Variants in RBFOX1 observed in about 807,000 individuals in gnomAD.
RBFOX1 encodes the protein RNA binding fox-1 homolog 1.
In RBFOX1, 8 loss-of-function variants were observed where a neutral mutation model predicts 57.7. The observed-to-expected ratio is 0.14, with a 90% CI of 0.08 to 0.25. The LOEUF (loss-of-function observed/expected upper bound fraction) is 0.25, where lower values mean the gene tolerates loss of function less well. RBFOX1 is among the 10% of genes least tolerant of loss of function. RBFOX1 has a pLI of 1.00. For synonymous variants in RBFOX1, 326 were observed against 222.4 expected (o/e 1.47, Z -4.15); for missense variants, 611 against 548.5 (o/e 1.11, Z -1.14).
intron 1 of RBFOX1, among the ~76,000 whole-genome samples, chr16:5,404,968 T>C (rs2066822066): frequency 6.6e-6 from 1 of 152,242 alleles, no homozygotes; most frequent in African/African-American, 2.4e-5. Context: ...GAAGTACTTC[T>C]CTAGAGCTTT....
intron 2 of RBFOX1, among the ~76,000 whole-genome samples, chr16:5,542,162 C>G (rs1049969799): frequency 6.6e-6 from 1 of 151,838 alleles, no homozygotes; most frequent in African/African-American, 2.4e-5. Flanking sequence ...GTAATCGACT[C>G]TGTATAGCTT....
At chr16:7,089,706 G>A (rs759616858) in intron 4 of RBFOX1, among the ~76,000 whole-genome samples, 19 of 152,172 alleles carry the variant, frequency 1.2e-4, no homozygotes, top group Middle Eastern at 3.4e-3. Context: ...TTCCACATCC[G>A]AAAAACTTGC....
At chr16:5,842,985 A>G (rs2056663195) in intron 3 of RBFOX1, among the ~76,000 whole-genome samples, 1 of 151,836 alleles carries the variant, frequency 6.6e-6, no homozygotes, top group African/African-American at 2.4e-5. Flanking sequence ...TGTCTGGCTA[A>G]TTGTTTTTTT....
chr16:7,710,193 A>G, intron 15 of RBFOX1: 1 of 1,028,892 alleles, frequency 9.7e-7, no homozygotes, highest in Non-Finnish European at 1.2e-6. Context: ...AGTAAGAAGT[A>G]GGTTGAGATT....
At chr16:6,203,103 A>G (rs1263740918) in intron 1 of RBFOX1, among the ~76,000 whole-genome samples, 1 of 151,848 alleles carries the variant, frequency 6.6e-6, no homozygotes, top group African/African-American at 2.4e-5. Context: ...TTGTGGTAAG[A>G]GCACTTGAAA....
In RBFOX1 at chr16:7,663,912, TTTTACTCAAAGCATAC is replaced by T. The variant is rs2068477074; in HGVS notation, c.891-1016_891-1001del. On this transcript the variant is annotated intron_variant, in intron 12 of 15. Coordinates refer to ENST00000550418, the MANE Select transcript of RBFOX1 (RefSeq NM_018723.4). ...AGCTAAGAGCTTCTTTTCCTGGTTGTTTTACTCAAAGCATACCAAAAAGCTTCTGGGGAATCATTCC... is the reference window on the plus strand; with the variant it reads ...AGCTAAGAGCTTCTTTTCCTGGTTGTCAAAAAGCTTCTGGGGAATCATTCC... 2.6e-5 allele frequency among the ~76,000 whole-genome samples: 4 copies of T among 152,264 alleles called. 1 individual carries two copies. The South Asian group carries it at 8.3e-4, about 32-fold the overall frequency.
chr16:7,567,158 TATATCCATATATATATCCCTATATAA>T (rs1241506830), intron 5 of RBFOX1, among the ~76,000 whole-genome samples: 15 of 146,790 alleles, frequency 1.0e-4, no homozygotes, highest in African/African-American at 2.5e-4. Flanking sequence ...TCCCTATATA[TATATCCATATATATATCCCTATATAA>T]ATATCCATAT....
intron 3 of RBFOX1, among the ~76,000 whole-genome samples, chr16:6,994,218 A>AGT (rs1484694506): frequency 1.3e-5 from 2 of 152,164 alleles, no homozygotes; most frequent in Non-Finnish European, 2.9e-5. Flanking sequence ...AAAACACTGC[A>AGT]GTAGTACTCT....
chr16:6,244,468 T>G (rs1419059718), intron 1 of RBFOX1, among the ~76,000 whole-genome samples: 1 of 152,192 alleles, frequency 6.6e-6, no homozygotes, highest in Admixed American at 6.5e-5. Flanking sequence ...GTTTTACAGT[T>G]GGGTATCCAA....
chr16:5,335,866 G>T (rs555278631), intron 1 of RBFOX1, among the ~76,000 whole-genome samples: 1 of 152,150 alleles, frequency 6.6e-6, no homozygotes, highest in African/African-American at 2.4e-5. Context: ...CGACTCTTTG[G>T]GGGTGGTGAT....
chr16:6,810,165 C>G lies in RBFOX1; in HGVS notation c.-16+155515C>G, dbSNP rs139990502. On this transcript the variant is annotated intron_variant, in intron 3 of 15. Transcript: ENST00000550418. Reference sequence around the variant, plus strand: ...ATGGACAGGGATAGGGATTACGGATCACTCTCATTGTCTTATGTGTGCAAC... The same window carrying G: ...ATGGACAGGGATAGGGATTACGGATGACTCTCATTGTCTTATGTGTGCAAC... Among the ~76,000 whole-genome samples the G allele has an allele frequency of 6.0e-3, 906 of 152,140 alleles. 11 individuals are homozygous for G. Among genetic ancestry groups the G allele is most frequent in the African/African-American group, 0.02 (819 of 41,496 alleles).
intron 2 of RBFOX1, among the ~76,000 whole-genome samples, chr16:6,558,334 C>G (rs1404351662): frequency 6.6e-6 from 1 of 152,180 alleles, no homozygotes; most frequent in Non-Finnish European, 1.5e-5. Context: ...GCTGCTGCTG[C>G]TGCTCCTGGC....
rs57581878 is a variant in RBFOX1, at chr16:6,418,797, G to T, written c.-64+101740G>T. 2.4e-3 allele frequency among the ~76,000 whole-genome samples: 360 copies of T among 152,232 alleles called. 1 individual carries two copies. The highest frequency in any genetic ancestry group is 8.4e-3 in the African/African-American group (349 of 41,540). On this transcript the variant is annotated intron_variant, in intron 2 of 15. Coordinates refer to ENST00000550418, the MANE Select transcript of RBFOX1 (RefSeq NM_018723.4). Reference sequence around the variant, plus strand: ...CCCTGCCTTGGCCTCCCAATATGCTGGGATTACAGGCATGAGCCACCACGT... The same window carrying T: ...CCCTGCCTTGGCCTCCCAATATGCTTGGATTACAGGCATGAGCCACCACGT...
At chr16:5,354,887 G>A (rs1011510918) in intron 1 of RBFOX1, among the ~76,000 whole-genome samples, 1 of 152,210 alleles carries the variant, frequency 6.6e-6, no homozygotes, top group Non-Finnish European at 1.5e-5. Context: ...CTTGGTTCCA[G>A]TGGCCTTCTT....
At chr16:7,322,036 A>G (rs185683056) in intron 4 of RBFOX1, among the ~76,000 whole-genome samples, 16 of 152,298 alleles carry the variant, frequency 1.1e-4, no homozygotes, top group East Asian at 9.6e-4. Flanking sequence ...CTGAAAACAC[A>G]GTTTTATCTG....
chr16:6,988,603 T>C (rs1269237164), intron 3 of RBFOX1, among the ~76,000 whole-genome samples: 1 of 151,848 alleles, frequency 6.6e-6, no homozygotes, highest in Non-Finnish European at 1.5e-5. Context: ...GACCGAGTCT[T>C]GCTCTGTCCC....
chr16:5,452,116 CTTT>C (rs148215801), intron 1 of RBFOX1, among the ~76,000 whole-genome samples: 59 of 108,110 alleles, frequency 5.5e-4, no homozygotes, highest in African/African-American at 1.0e-3. Context: ...CTCTCTCTCT[CTTT>C]TTTTTTTTTT....
intron 3 of RBFOX1, among the ~76,000 whole-genome samples, chr16:5,690,410 T>C (rs1191034662): frequency 1.3e-5 from 2 of 152,176 alleles, no homozygotes; most frequent in African/African-American, 4.8e-5. Context: ...TCAGTGAATC[T>C]GTTTACAGCT....
At chr16:7,529,184 C>T (rs1256786252) in intron 5 of RBFOX1, among the ~76,000 whole-genome samples, 1 of 152,140 alleles carries the variant, frequency 6.6e-6, no homozygotes, top group Non-Finnish European at 1.5e-5. Context: ...TTGCTTGAAC[C>T]TGGGAGGCGG....
Sources: gnomAD v4.1 joint callset for allele counts (sites outside exome capture counted in the v4.1 genomes callset) on GRCh38, gnomAD v4.1.1 for gene constraint, MANE v1.5 for transcripts, NCBI Gene and HGNC (gene_info 2026-07-23, HGNC 2026-07-21) for gene names.